Variants in EDEM3 observed in about 807,000 individuals in gnomAD.
The protein encoded by EDEM3 is ER degradation-enhancing alpha-mannosidase-like protein 3.
In EDEM3, 60 loss-of-function variants were observed where a neutral mutation model predicts 110.2. The ratio of observed to expected loss-of-function variants is 0.54; its 90% confidence interval spans 0.44 to 0.67. The LOEUF (loss-of-function observed/expected upper bound fraction) is 0.67, where lower values mean the gene tolerates loss of function less well. EDEM3 is among the 30% of genes least tolerant of loss of function. EDEM3 has a pLI of 0.00. For missense variants in EDEM3, 996 were observed against 1,121.0 expected, an observed-to-expected ratio of 0.89 and a Z score of 1.59; for synonymous variants, 352 against 382.9, an observed-to-expected ratio of 0.92 and a Z score of 0.94.
At chr1:184,745,834 G>C (rs1224939011) in intron 2 of EDEM3, among the ~76,000 whole-genome samples, 1 of 152,092 alleles carries the variant, frequency 6.6e-6, no homozygotes, top group Non-Finnish European at 1.5e-5. Context: ...GTTTTTGCTT[G>C]TAACAGTTTG....
At chr1:184,737,215 G>T in intron 3 of EDEM3, 151 bp from the exon 4 acceptor site, 1 of 643,194 alleles carries the variant, frequency 1.6e-6, no homozygotes, top group Non-Finnish European at 2.7e-6. Context: ...ATAAGGCTCT[G>T]AAAGAAACTG....
At chr1:184,704,649 C>CAAAAAAAAAAA (rs58913815) in intron 18 of EDEM3, among the ~76,000 whole-genome samples, 6 of 29,912 alleles carry the variant, frequency 2.0e-4, no homozygotes, top group Admixed American at 6.7e-4. Flanking sequence ...GACTCTGTCT[C>CAAAAAAAAAAA]AAAAAAAAAA....
intron 5 of EDEM3, among the ~76,000 whole-genome samples, chr1:184,733,715 C>G (rs1328024062): frequency 4.6e-5 from 7 of 152,012 alleles, no homozygotes; most frequent in African/African-American, 1.7e-4. Flanking sequence ...GTAATCCCAG[C>G]TACTCGGGAG....
At chr1:184,751,758 T>C (rs181097399) in intron 1 of EDEM3, among the ~76,000 whole-genome samples, 1 of 152,338 alleles carries the variant, frequency 6.6e-6, no homozygotes, top group African/African-American at 2.4e-5. Context: ...AAGTCGGCTT[T>C]TTCTCTTTTT....
rs1235548981 is a variant in EDEM3 at position 184,693,424 on chromosome 1, T to G, written c.*639A>C. The G allele has an allele frequency of 6.6e-6, 1 of 152,584 alleles. No individual in the cohort carries two copies. Among genetic ancestry groups the G allele is most frequent in the Non-Finnish European group, 1.5e-5 (1 of 68,058 alleles). 9.5% of individuals were successfully genotyped at this position (152,584 alleles called of 1,614,324 possible). On this transcript the variant is annotated 3_prime_UTR_variant, in exon 20 of 20. Coordinates refer to ENST00000318130, the MANE Select transcript of EDEM3 (RefSeq NM_025191.4). ...CAGAGAACTCACTGAGAAAGTACAC[T>G]GGCTTCACCTTTGGTTTAAATAAAA...
At chr1:184,712,725 A>C in intron 13 of EDEM3, 127 bp from the exon 14 acceptor site, 1 of 600,540 alleles carries the variant, frequency 1.7e-6, no homozygotes, top group Non-Finnish European at 2.7e-6. Context: ...GAACTATAGA[A>C]TGTATCAATC....
chr1:184,694,418 T>C lies in EDEM3; in HGVS notation c.2444A>G (p.Gln815Arg). ...ACTTGATGAAATCTGTTCACCACTC[T>C]GATTCTGAGAATCATTTTCAGAGGA... ...QPSSENDSQN[Q>R]SGEQISSSSQ... The change falls in exon 20 of 20, where the codon CAG (glutamine) becomes CGG (arginine). Residue 815 changes from glutamine (Q) to arginine (R), a missense_variant. Around this residue, in one of 5 missense-constraint regions of EDEM3, gnomAD observed 345 missense variants for 402.0 expected, o/e 0.86. Transcript: ENST00000318130. The C allele has an allele frequency of 6.2e-7, 1 of 1,609,508 alleles. No individual in the cohort carries two copies. The highest frequency in any genetic ancestry group is 8.5e-7 in the Non-Finnish European group (1 of 1,177,702).
Position 184,723,611 on chromosome 1 carries a change from A to G in EDEM3, c.853+140T>C, listed in dbSNP as rs576525453. On this transcript the variant is annotated intron_variant, in intron 8 of 19. Coordinates refer to ENST00000318130, the MANE Select transcript of EDEM3 (RefSeq NM_025191.4). ...TGGCATCAAAAAAGAAAATCTGGCT[A>G]AATTAATTAAAATTCCAGCAATCTT... is the stretch of plus-strand genomic sequence containing the variant. The G allele has an allele frequency of 8.5e-6, 6 of 703,718 alleles. No individual in the cohort carries two copies. The East Asian group carries it at 9.2e-5, about 11-fold the overall frequency. 43.6% of individuals were successfully genotyped at this position (703,718 alleles called of 1,614,324 possible).
At chr1:184,712,657 T>C (rs1274867924) in intron 13 of EDEM3, 59 bp from the exon 14 acceptor site, 3 of 1,193,762 alleles carry the variant, frequency 2.5e-6, no homozygotes, top group African/African-American at 1.6e-5. Flanking sequence ...ATGCCAACTA[T>C]ATGAAAGCCA....
In EDEM3 at chr1:184,706,804, CTT is replaced by C; in HGVS notation, c.2040_2041del (p.Gly682IlefsTer6). Reference sequence around the variant, plus strand: ...TGGTTTACTGCTTGCAACAAATCCTCTTGTCTGTCAGAAATAAAAGCAACTTA... The same window carrying C: ...TGGTTTACTGCTTGCAACAAATCCTCGTCTGTCAGAAATAAAAGCAACTTA... On this transcript the variant is annotated frameshift_variant and splice_region_variant, in exon 18 of 20. Coordinates refer to ENST00000318130, the MANE Select transcript of EDEM3 (RefSeq NM_025191.4). LOFTEE classifies it high-confidence loss of function. The C allele has an allele frequency of 1.2e-6, 2 of 1,612,950 alleles. No individual in the cohort carries two copies. The highest frequency in any genetic ancestry group is 1.1e-5 in the South Asian group (1 of 90,830).
rs575368111 is a variant in EDEM3, at chr1:184,748,678, T to C, written c.204+869A>G. On this transcript the variant is annotated intron_variant, in intron 2 of 19. Coordinates refer to ENST00000318130, the MANE Select transcript of EDEM3 (RefSeq NM_025191.4). ...AAACTAAAAATGCATAAATTACATA[T>C]ATTTAGATGTTCATAGATAACAATG... Among the ~76,000 whole-genome samples the C allele has an allele frequency of 7.5e-4, 114 of 152,288 alleles. 1 individual carries two copies. In the South Asian group the frequency reaches 7.9e-3, roughly 11 times the overall value.
intron 1 of EDEM3, among the ~76,000 whole-genome samples, chr1:184,749,826 T>C (rs1008971632): frequency 6.6e-6 from 1 of 152,334 alleles, no homozygotes; most frequent in African/African-American, 2.4e-5. Flanking sequence ...TAGTAATTTA[T>C]GTACAATTCA....
At chr1:184,724,245 A>G (rs940644073) in intron 7 of EDEM3, among the ~76,000 whole-genome samples, 1 of 152,110 alleles carries the variant, frequency 6.6e-6, no homozygotes, top group Non-Finnish European at 1.5e-5. Flanking sequence ...CTACCACTTA[A>G]AGGCAAAGTA....
At chr1:184,744,129 A>G (rs1652287163) in intron 2 of EDEM3, among the ~76,000 whole-genome samples, 1 of 151,264 alleles carries the variant, frequency 6.6e-6, no homozygotes, top group African/African-American at 2.4e-5. Flanking sequence ...GTTCCTGTTA[A>G]GAAAATTAGA....
At chr1:184,730,931 T>C (rs978665513) in intron 6 of EDEM3, among the ~76,000 whole-genome samples, 3 of 150,112 alleles carry the variant, frequency 2.0e-5, no homozygotes, top group Admixed American at 6.6e-5. Context: ...GGAACAATGA[T>C]TTCACTGGGA....
At chr1:184,748,448 CA>C (rs139480614) in intron 2 of EDEM3, among the ~76,000 whole-genome samples, 60,204 of 137,942 alleles carry the variant, frequency 0.44, 12,305 homozygotes, top group East Asian at 0.61. Context: ...AACTCCGTCT[CA>C]AAAAAAAAAA....
intron 17 of EDEM3, among the ~76,000 whole-genome samples, chr1:184,707,435 T>C (rs1484569924): frequency 1.3e-5 from 2 of 152,198 alleles, no homozygotes; most frequent in Non-Finnish European, 1.5e-5. Flanking sequence ...TGTAAACTGA[T>C]ACAGCAAGCA....
chr1:184,701,896 G>A (rs1052261106), intron 19 of EDEM3, among the ~76,000 whole-genome samples: 1 of 151,888 alleles, frequency 6.6e-6, no homozygotes, highest in African/African-American at 2.4e-5. Context: ...GATTATCACC[G>A]AACATTTTTT....
intron 1 of EDEM3, among the ~76,000 whole-genome samples, chr1:184,750,509 TA>T (rs1420666296): frequency 1.3e-3 from 170 of 132,838 alleles, no homozygotes; most frequent in African/African-American, 4.8e-3. Flanking sequence ...AATTTTTTAT[TA>T]ACTTTTTCTT....
Sources: gnomAD v4.1 joint callset for allele counts (sites outside exome capture counted in the v4.1 genomes callset) on GRCh38, gnomAD v4.1.1 for gene constraint, gnomAD v4.1.1 regional missense constraint, MANE v1.5 for transcripts, NCBI Gene and HGNC (gene_info 2026-07-23, HGNC 2026-07-21) for gene names.